Variants in P4HA3 observed in about 807,000 individuals in gnomAD.
P4HA3 encodes prolyl 4-hydroxylase subunit alpha-3.
P4HA3 carries 60 observed loss-of-function variants against 66.7 expected under a neutral mutation model. The observed-to-expected ratio is 0.90, with a 90% CI of 0.73 to 1.12. The LOEUF is 1.12. P4HA3 is among the 50% of genes most tolerant of loss of function. The probability of loss-of-function intolerance (pLI) is 0.00; values close to 1 mark genes in which losing one functional copy is unlikely to be tolerated. For synonymous variants in P4HA3, 263 were observed against 274.6 expected (o/e 0.96, Z 0.42); for missense variants, 683 against 685.8 (o/e 1.00, Z 0.05).
chr11:74,278,488 G>A (rs1860476664), intron 8 of P4HA3, among the ~76,000 whole-genome samples: 1 of 152,210 alleles, frequency 6.6e-6, no homozygotes, highest in South Asian at 2.1e-4. Context: ...CTCCAGCGAA[G>A]TTGTGAGGAC....
At chr11:74,252,355 T>TGGGATTATA in intron 15 of P4HA3, 1 of 439,810 alleles carries the variant, frequency 2.3e-6, no homozygotes, top group South Asian at 1.6e-5. Context: ...CCTAAAGTGT[T>TGGGATTATA]GGGATTATAG....
chr11:74,299,667 G>GAAAAAAAAAA (rs61624292), intron 3 of P4HA3, among the ~76,000 whole-genome samples: 3 of 105,784 alleles, frequency 2.8e-5, no homozygotes, highest in African/African-American at 3.0e-5. Context: ...ATATTTTCAA[G>GAAAAAAAAAA]AAAAAAAAAA....
At chr11:74,292,293 C>A (rs1013539154) in intron 4 of P4HA3, among the ~76,000 whole-genome samples, 1 of 151,978 alleles carries the variant, frequency 6.6e-6, no homozygotes, top group Non-Finnish European at 1.5e-5. Flanking sequence ...GTGGTGATAT[C>A]CCCTTTATCA....
intron 6 of P4HA3, 88 bp downstream of exon 6, chr11:74,286,140 C>A (rs1860791088): frequency 1.3e-6 from 2 of 1,510,548 alleles, no homozygotes; most frequent in Non-Finnish European, 1.8e-6. Context: ...TTTAATGCAT[C>A]AGCTCTATCC....
At chr11:74,290,528 GT>G (rs1192053581) in intron 4 of P4HA3, among the ~76,000 whole-genome samples, 1 of 151,614 alleles carries the variant, frequency 6.6e-6, no homozygotes, top group Non-Finnish European at 1.5e-5. Flanking sequence ...CCATGCCTAT[GT>G]CCTGAATGGT....
chr11:74,271,449 A>G (rs766341227), intron 10 of P4HA3, among the ~76,000 whole-genome samples: 5 of 152,220 alleles, frequency 3.3e-5, no homozygotes, highest in Non-Finnish European at 5.9e-5. Context: ...GCTCATGAGC[A>G]CGGCATGGGC....
chr11:74,296,942 T>C (rs1266636734), intron 4 of P4HA3, among the ~76,000 whole-genome samples: 1 of 149,880 alleles, frequency 6.7e-6, no homozygotes, highest in Non-Finnish European at 1.5e-5. Context: ...TTCTTTTTTT[T>C]TTTTTTTTGA....
chr11:74,277,541 C>T (rs1860443466), intron 8 of P4HA3, among the ~76,000 whole-genome samples: 1 of 152,190 alleles, frequency 6.6e-6, no homozygotes, highest in Non-Finnish European at 1.5e-5. Context: ...AACCATTAAC[C>T]TCTCTAAGGG....
rs373213255 is a variant in P4HA3 at position 74,289,065 on chromosome 11, T to C, written c.769+14A>G. The C allele has an allele frequency of 1.7e-4, 258 of 1,529,236 alleles. No homozygotes were observed. The highest frequency in any genetic ancestry group is 2.0e-4 in the Non-Finnish European group (233 of 1,138,366). 94.7% of individuals were successfully genotyped at this position (1,529,236 alleles called of 1,614,324 possible). On this transcript the variant is annotated intron_variant, in intron 5 of 12. Coordinates refer to ENST00000331597, the MANE Select transcript of P4HA3 (RefSeq NM_182904.5). ...TCAGACCTGTGGCTGGCTTATCTTT[T>C]ATCCATTACGTACTGTAGAGAAGAA...
At chr11:74,286,194 C>T (rs947639706) in intron 6 of P4HA3, 34 bp downstream of exon 6, 27 of 1,602,834 alleles carry the variant, frequency 1.7e-5, no homozygotes, top group Admixed American at 1.5e-4. Context: ...CTAGCCAGGC[C>T]TCTCCCCCTT....
At chr11:74,251,389 A>G in intron 15 of P4HA3, 1 of 1,364,214 alleles carries the variant, frequency 7.3e-7, no homozygotes, top group Non-Finnish European at 9.4e-7. Context: ...AGAAAACACC[A>G]TTCTGTAACT....
intron 3 of P4HA3, among the ~76,000 whole-genome samples, chr11:74,300,311 C>T (rs572527005): frequency 1.8e-4 from 28 of 152,222 alleles, no homozygotes; most frequent in East Asian, 7.7e-4. Context: ...CACAATAGCA[C>T]GATGATGGAA....
intron 1 of P4HA3, among the ~76,000 whole-genome samples, chr11:74,307,259 C>G (rs986292634): frequency 6.6e-6 from 1 of 152,114 alleles, no homozygotes; most frequent in Non-Finnish European, 1.5e-5. Flanking sequence ...CTCATCACCC[C>G]CTCCACAACT....
At chr11:74,264,941 G>C (rs1457695926), downstream of P4HA3, among the ~76,000 whole-genome samples, 1 of 152,170 alleles carries the variant, frequency 6.6e-6, no homozygotes, top group Non-Finnish European at 1.5e-5. Flanking sequence ...CAAGATGTTT[G>C]ATAACTGCCC....
At chr11:74,268,087 G>T in intron 12 of P4HA3, 58 bp downstream of exon 12, 2 of 1,464,890 alleles carry the variant, frequency 1.4e-6, no homozygotes, top group Non-Finnish European at 9.5e-7. Flanking sequence ...CCCATCCCCT[G>T]TTTCACTCTA....
chr11:74,290,669 C>T, intron 4 of P4HA3, among the ~76,000 whole-genome samples: 1 of 152,096 alleles, frequency 6.6e-6, no homozygotes, highest in Non-Finnish European at 1.5e-5. Flanking sequence ...ATATGGCTAG[C>T]CAGTTTTCCC....
chr11:74,279,300 T>A, intron 8 of P4HA3, 88 bp downstream of exon 8: 1 of 1,216,918 alleles, frequency 8.2e-7, no homozygotes, highest in South Asian at 1.2e-5. Context: ...CCTCTGGAGG[T>A]CCCTGAATGG....
Position 74,311,429 on chromosome 11 carries a change from C to T in P4HA3, c.183G>A (p.Arg61=), listed in dbSNP as rs775666371. 3.9e-6 allele frequency: 6 copies of T among 1,531,630 alleles called. No homozygotes were observed. The East Asian group carries it at 1.5e-4, about 38-fold the overall frequency. 94.9% of individuals were successfully genotyped at this position (1,531,630 alleles called of 1,614,324 possible). A position where few individuals can be genotyped will look rare whatever the true frequency, so the allele number is the denominator to read the frequency against. ...LRRYLRGEEA[R]LRDLTRFYDK... is the part of the protein sequence containing the mutation. ...GCCCTCACCTAGTCAGGTCCCGCAG[C>T]CGCGCCTCCTCCCCGCGCAGGTACC... is the stretch of plus-strand genomic sequence containing the variant. Residue 61 remains arginine, a synonymous_variant, in exon 1 of 13, where the codon CGG becomes CGA. Coordinates refer to ENST00000331597, the MANE Select transcript of P4HA3 (RefSeq NM_182904.5).
At chr11:74,261,673 C>G (rs1859909184), downstream of P4HA3, among the ~76,000 whole-genome samples, 1 of 151,824 alleles carries the variant, frequency 6.6e-6, no homozygotes, top group Non-Finnish European at 1.5e-5. Context: ...TGTGGGTTCT[C>G]TTTTCTGGGA....
Sources: allele counts gnomAD v4.1 joint callset (sites outside exome capture counted in the v4.1 genomes callset), GRCh38; gene constraint gnomAD v4.1.1; transcripts MANE v1.5; gene names NCBI Gene and HGNC (gene_info 2026-07-23, HGNC 2026-07-21).